The following PTPRO variants were observed in gnomAD, a reference collection of about 807,000 sequenced individuals.
The protein encoded by PTPRO is protein tyrosine phosphatase receptor type O, also known as receptor-type tyrosine-protein phosphatase O.
PTPRO carries 62 observed loss-of-function variants against 145.2 expected under a neutral mutation model. That is an observed-to-expected ratio of 0.43 (90% CI 0.35 to 0.53). The LOEUF is 0.53. PTPRO is among the 20% of genes least tolerant of loss of function. The pLI, the probability that PTPRO is intolerant of heterozygous loss-of-function variation, is 0.01. For synonymous variants in PTPRO, 565 were observed against 514.7 expected, an observed-to-expected ratio of 1.10 and a Z score of -1.32; for missense variants, 1,345 against 1,482.7, an observed-to-expected ratio of 0.91 and a Z score of 1.53.
chr12:15,575,489 A>C (rs938247573), intron 19 of PTPRO, among the ~76,000 whole-genome samples: 5 of 152,202 alleles, frequency 3.3e-5, no homozygotes, highest in Non-Finnish European at 7.3e-5. Flanking sequence ...AGCCTCCAGA[A>C]CTGTGAGACA....
At chr12:15,407,547 A>T (rs1271758784) in intron 1 of PTPRO, among the ~76,000 whole-genome samples, 1 of 152,238 alleles carries the variant, frequency 6.6e-6, no homozygotes, top group Non-Finnish European at 1.5e-5. Context: ...TTGGAGTGCC[A>T]AAGCAGCAGA....
chr12:15,561,465 GAGACTAGAGGA>G (rs1243808953), intron 17 of PTPRO, among the ~76,000 whole-genome samples: 1 of 152,028 alleles, frequency 6.6e-6, no homozygotes, highest in African/African-American at 2.4e-5. Context: ...TTTAAAAAAA[GAGACTAGAGGA>G]AAGCTTTTGA....
In PTPRO at chr12:15,513,157, AAAAGAAAGAAAGAAAGAAAGAAAG is replaced by A. The variant is rs1162807747; in HGVS notation, c.1465-2293_1465-2270del. Among the ~76,000 whole-genome samples, 133 of 30,824 alleles carry A rather than the reference AAAAGAAAGAAAGAAAGAAAGAAAG, an allele frequency of 4.3e-3. 1 individual carries two copies. Among genetic ancestry groups the A allele is most frequent in the East Asian group, 0.011 (16 of 1,420 alleles). The allele number at this position is 30,824 out of a possible 152,430, so 20.2% of individuals were successfully genotyped here. A position where few individuals can be genotyped will look rare whatever the true frequency, so the allele number is the denominator to read the frequency against. Reference sequence around the variant, plus strand: ...GAAGGAAGGAAGAAAGAAAGAAAGAAAAAGAAAGAAAGAAAGAAAGAAAGAAAGAAAGAAAGAAAGAAAGAAAGA... The same window carrying A: ...GAAGGAAGGAAGAAAGAAAGAAAGAAAAAGAAAGAAAGAAAGAAAGAAAGA... On this transcript the variant is annotated intron_variant, in intron 7 of 26. Transcript: ENST00000281171.
intron 1 of PTPRO, among the ~76,000 whole-genome samples, chr12:15,408,486 T>C (rs1039045180): frequency 2.0e-5 from 3 of 152,176 alleles, no homozygotes; most frequent in Admixed American, 2.0e-4. Context: ...TGGTGTGCAG[T>C]GGCATGATCT....
chr12:15,543,344 G>T (rs910537555), intron 12 of PTPRO, among the ~76,000 whole-genome samples: 2 of 152,138 alleles, frequency 1.3e-5, no homozygotes, highest in African/African-American at 4.8e-5. Context: ...ATCACCTAGA[G>T]CCACATTCTC....
rs60998754 is a variant in PTPRO at position 15,575,780 on chromosome 12, C to T, written c.2830-3073C>T. Among the ~76,000 whole-genome samples the T allele has an allele frequency of 8.5e-5, 13 of 152,332 alleles. No individual in the cohort carries two copies. The East Asian group carries it at 2.1e-3, about 25-fold the overall frequency. ...AGGTGTCAGCAGGGCCACACTCCCC[C>T]TGAAGACTCTAGGGAAGAATTTTTC... On this transcript the variant is annotated intron_variant, in intron 19 of 26. Transcript: ENST00000281171.
Position 15,596,804 on chromosome 12 carries a change from T to C in PTPRO, c.*731T>C, listed in dbSNP as rs1944668333. 1 of 152,408 alleles carries C rather than the reference T, an allele frequency of 6.6e-6. No individual in the cohort carries two copies. Among genetic ancestry groups the C allele is most frequent in the Admixed American group, 6.5e-5 (1 of 15,284 alleles). The allele number at this position is 152,408 out of a possible 1,614,324, so 9.4% of individuals were successfully genotyped here. A position where few individuals can be genotyped will look rare whatever the true frequency, so the allele number is the denominator to read the frequency against. On this transcript the variant is annotated 3_prime_UTR_variant, in exon 27 of 27. Transcript: ENST00000281171. ...CTTCCTTATTAACAGTTGGTGTTTC[T>C]TCCTTGGCCCTTTTGGACTAATGTT...
At chr12:15,531,268 C>T (rs1942957120) in intron 12 of PTPRO, among the ~76,000 whole-genome samples, 1 of 152,112 alleles carries the variant, frequency 6.6e-6, no homozygotes, top group African/African-American at 2.4e-5. Context: ...CCCTGAATTT[C>T]ACCAGACATT....
chr12:15,339,471 A>G (rs538196727), intron 1 of PTPRO, among the ~76,000 whole-genome samples: 1 of 152,180 alleles, frequency 6.6e-6, no homozygotes, highest in Non-Finnish European at 1.5e-5. Flanking sequence ...AAAAATTATC[A>G]TACCTCATTT....
chr12:15,514,081 A>T (rs1421989527), intron 7 of PTPRO, among the ~76,000 whole-genome samples: 4 of 152,234 alleles, frequency 2.6e-5, no homozygotes, highest in Admixed American at 6.5e-5. Flanking sequence ...TTCAAATTTA[A>T]TAAATGCATT....
chr12:15,441,391 C>G (rs1255305553), intron 1 of PTPRO, among the ~76,000 whole-genome samples: 1 of 151,378 alleles, frequency 6.6e-6, no homozygotes, highest in African/African-American at 2.4e-5. Flanking sequence ...TAAATGCTTA[C>G]CTCAAAGAGT....
intron 5 of PTPRO, 31 bp from the exon 6 acceptor site, chr12:15,503,877 A>AT (rs753330251): frequency 1.3e-6 from 2 of 1,528,878 alleles, no homozygotes; most frequent in East Asian, 4.5e-5. Flanking sequence ...GTGTCTATTC[A>AT]TGTATCTTCT....
At chr12:15,497,216 C>T in intron 2 of PTPRO, 29 bp from the exon 3 acceptor site, 6 of 1,529,554 alleles carry the variant, frequency 3.9e-6, no homozygotes, top group South Asian at 1.1e-5. Flanking sequence ...TCTTTCTTTT[C>T]CCTTTCTCCA....
intron 1 of PTPRO, among the ~76,000 whole-genome samples, chr12:15,359,498 G>T (rs1391645149): frequency 1.3e-5 from 2 of 148,582 alleles, no homozygotes; most frequent in African/African-American, 2.5e-5. Context: ...GATCTCCTGG[G>T]ATCAAGTGAT....
intron 1 of PTPRO, among the ~76,000 whole-genome samples, chr12:15,447,962 C>T (rs533243897): frequency 6.6e-6 from 1 of 152,174 alleles, no homozygotes; most frequent in South Asian, 2.1e-4. Flanking sequence ...AGTTGATCTG[C>T]CTAGCAGAAA....
intron 1 of PTPRO, among the ~76,000 whole-genome samples, chr12:15,343,456 G>A (rs907529506): frequency 1.1e-4 from 17 of 152,140 alleles, no homozygotes; most frequent in South Asian, 4.1e-4. Flanking sequence ...GGAGGCCAAG[G>A]CGGGAGGATC....
chr12:15,568,320 C>A (rs1156811166), intron 18 of PTPRO, among the ~76,000 whole-genome samples: 1 of 152,048 alleles, frequency 6.6e-6, no homozygotes, highest in Non-Finnish European at 1.5e-5. Flanking sequence ...GTCCCAGCTA[C>A]TTGGGAGGCT....
chr12:15,369,311 C>T (rs560782038), intron 1 of PTPRO, among the ~76,000 whole-genome samples: 92 of 152,214 alleles, frequency 6.0e-4, no homozygotes, highest in African/African-American at 2.1e-3. Flanking sequence ...AGGAAAGCAG[C>T]CATTTTTTTC....
intron 7 of PTPRO, among the ~76,000 whole-genome samples, chr12:15,512,206 C>T (rs559263694): frequency 4.3e-4 from 66 of 152,238 alleles, no homozygotes; most frequent in African/African-American, 1.5e-3. Context: ...CCTCCACCTC[C>T]CAGTTTCAAG....
Sources: gnomAD v4.1 joint callset for allele counts (sites outside exome capture counted in the v4.1 genomes callset) on GRCh38, gnomAD v4.1.1 for gene constraint, MANE v1.5 for transcripts, NCBI Gene and HGNC (gene_info 2026-07-23, HGNC 2026-07-21) for gene names.